The following LIAT1 variants were observed in gnomAD, a reference collection of about 807,000 sequenced individuals.
LIAT1 encodes the protein ligand of ATE1, also known as protein LIAT1.
At chr17:413,988 C>A in the LIAT1 span, 17 of 1,614,102 alleles carry the variant, frequency 1.1e-5, no homozygotes, top group African/African-American at 2.7e-5. Context: ...CCCTACCTCT[C>A]GGACAAAGAT....
At chr17:412,301 C>T in the LIAT1 span, among the ~76,000 whole-genome samples, 1 of 117,716 alleles carries the variant, frequency 8.5e-6, no homozygotes, top group East Asian at 2.4e-4. Flanking sequence ...GACTCAGTCT[C>T]AAAAAAAAAA....
chr17:414,279 C>A, the LIAT1 span: 1 of 806,322 alleles, frequency 1.2e-6, no homozygotes, highest in Non-Finnish European at 2.0e-6. The surrounding 1 kb of genome is among the most constrained non-coding windows in gnomAD (Gnocchi z 4.1). Flanking sequence ...CTCGGTTGCC[C>A]AGGAGAGCCA....
At chr17:410,633 T>A in the LIAT1 span, 43 of 1,541,038 alleles carry the variant, frequency 2.8e-5, no homozygotes, top group East Asian at 1.1e-3. Flanking sequence ...CCAAGGGGTC[T>A]GGCAAGGGGG....
At chr17:413,089 C>A in the LIAT1 span, 1 of 1,574,538 alleles carries the variant, frequency 6.4e-7, no homozygotes, top group South Asian at 1.2e-5. Context: ...TTGGCACCAT[C>A]CCCAGCAGGC....
chr17:413,815 C>T, the LIAT1 span: 24,204 of 1,152,612 alleles, frequency 0.021, 146 homozygotes, highest in South Asian at 0.074. Flanking sequence ...CCCTCAAGGG[C>T]TTCCACCCCG....
chr17:410,410 G>A, the LIAT1 span: 12 of 1,530,820 alleles, frequency 7.8e-6, no homozygotes, highest in South Asian at 1.2e-5. Context: ...ATCGGGCCTC[G>A]GGCGCCCCCG....
chr17:414,235 C>A, the LIAT1 span: 1 of 1,254,298 alleles, frequency 8.0e-7, no homozygotes, highest in Non-Finnish European at 1.1e-6. The surrounding 1 kb of genome is among the most constrained non-coding windows in gnomAD (Gnocchi z 4.1). Flanking sequence ...GTTCGGTACA[C>A]GGACGACGCC....
chr17:410,593 A>C, the LIAT1 span: 1 of 1,545,806 alleles, frequency 6.5e-7, no homozygotes, highest in Non-Finnish European at 8.7e-7. Context: ...GCCAAACGGA[A>C]GGTGAAGAAG....
chr17:412,931 C>G, the LIAT1 span, among the ~76,000 whole-genome samples: 5 of 152,252 alleles, frequency 3.3e-5, no homozygotes, highest in African/African-American at 1.2e-4. Flanking sequence ...CGGCCTGGCT[C>G]AGACTGTGTG....
At chr17:413,524 CG>C in the LIAT1 span, 1 of 1,487,260 alleles carries the variant, frequency 6.7e-7, no homozygotes. Flanking sequence ...GCTTCCACCC[CG>C]ACCCCGAGGC....
At chr17:414,095 G>C in the LIAT1 span, 9 of 1,613,378 alleles carry the variant, frequency 5.6e-6, no homozygotes, top group Admixed American at 8.3e-5. This position sits in a 1 kb window ranked among gnomAD's most constrained non-coding sequence, Gnocchi z 4.1. Flanking sequence ...CTCTGACTTA[G>C]CTCCTACTCT....
the LIAT1 span, among the ~76,000 whole-genome samples, chr17:411,154 T>C: frequency 6.6e-6 from 1 of 152,142 alleles, no homozygotes; most frequent in Admixed American, 6.5e-5. Flanking sequence ...CACAGACGTG[T>C]GTATTAAAGG....
At chr17:410,723 C>G in the LIAT1 span, 1 of 1,375,534 alleles carries the variant, frequency 7.3e-7, no homozygotes, top group Non-Finnish European at 9.9e-7. Context: ...CCCATTTACC[C>G]TTCAGACCGG....
chr17:414,354 G>A, the LIAT1 span: 1 of 523,400 alleles, frequency 1.9e-6, no homozygotes, highest in Non-Finnish European at 3.4e-6. The surrounding 1 kb of genome is among the most constrained non-coding windows in gnomAD (Gnocchi z 4.1). Context: ...TTTTTCTTAA[G>A]TAAGCATCTC....
At chr17:413,503 C>CCCTCAAGGGCTTCCACCCCAACCCCGAG in the LIAT1 span, 1 of 946,642 alleles carries the variant, frequency 1.1e-6, no homozygotes, top group African/African-American at 2.5e-5. Flanking sequence ...CCGACCCCGA[C>CCCTCAAGGGCTTCCACCCCAACCCCGAG]GCCCTCAAGG....
At chr17:412,442 G>A in the LIAT1 span, among the ~76,000 whole-genome samples, 7 of 152,122 alleles carry the variant, frequency 4.6e-5, no homozygotes, top group Admixed American at 1.3e-4. Context: ...TTTCCAGGGC[G>A]TAGCAAGGGA....
the LIAT1 span, chr17:413,822 C>A: frequency 0.016 from 20,763 of 1,331,996 alleles, 68 homozygotes; most frequent in South Asian, 0.053. Context: ...GGGCTTCCAC[C>A]CCGACCCCAA....
At chr17:410,360 T>C in the LIAT1 span, 2 of 1,502,084 alleles carry the variant, frequency 1.3e-6, no homozygotes, top group East Asian at 2.5e-5. Context: ...CGCGTGGCCC[T>C]GGCCTGGCGG....
At chr17:414,301 G>T in the LIAT1 span, 1 of 654,384 alleles carries the variant, frequency 1.5e-6, no homozygotes, top group Non-Finnish European at 2.6e-6. The surrounding 1 kb of genome is among the most constrained non-coding windows in gnomAD (Gnocchi z 4.1). Context: ...AGTGCCTTGA[G>T]AACATAAGCA....
Sources: allele counts gnomAD v4.1 joint callset (sites outside exome capture counted in the v4.1 genomes callset), GRCh38; gene constraint gnomAD v4.1.1; non-coding constraint Gnocchi (gnomAD v3.1); transcripts MANE v1.5; gene names NCBI Gene and HGNC (gene_info 2026-07-23, HGNC 2026-07-21).